Variants in SRRM2 observed in about 807,000 individuals in gnomAD.
SRRM2 encodes serine/arginine repetitive matrix 2.
In SRRM2, 30 loss-of-function variants were observed where a neutral mutation model predicts 213.8. The ratio of observed to expected loss-of-function variants is 0.14; its 90% CI spans 0.10 to 0.19. The LOEUF is 0.19. Ranked by LOEUF, SRRM2 falls within the 10% of genes least tolerant of loss-of-function variation. The probability of loss-of-function intolerance (pLI) is 1.00; values close to 1 mark genes in which losing one functional copy is unlikely to be tolerated. For missense variants in SRRM2, 4,904 were observed against 3,647.0 expected (o/e 1.34, Z -8.88); for synonymous variants, 2,025 against 1,377.7 (o/e 1.47, Z -10.40).
At chr16:2,753,032 C>T (rs2067986641) in intron 1 of SRRM2, among the ~76,000 whole-genome samples, 186 bp downstream of exon 1, 1 of 65,444 alleles carries the variant, frequency 1.5e-5, no homozygotes, top group South Asian at 4.3e-4. Context: ...CGCGCGCGGG[C>T]TTCACCCCCC....
chr16:2,758,873 G>C, intron 5 of SRRM2, 112 bp from the exon 6 acceptor site: 5 of 1,156,186 alleles, frequency 4.3e-6, no homozygotes, highest in South Asian at 1.4e-5. Context: ...TGGGGCATTA[G>C]TGCTATTAGG....
rs1471449229 is a variant in SRRM2, at chr16:2,770,443, C to G, written c.8113C>G (p.Pro2705Ala). 1.9e-6 allele frequency: 3 copies of G among 1,609,636 alleles called. No individual in the cohort carries two copies. Among genetic ancestry groups the G allele is most frequent in the Non-Finnish European group, 1.7e-6 (2 of 1,178,238 alleles). ...GGAGCGTCGCCGTCCCTCGCCCCAGCCCTCACCACGGGACCAGCAGAGGTA... is the reference window on the plus strand; with the variant it reads ...GGAGCGTCGCCGTCCCTCGCCCCAGGCCTCACCACGGGACCAGCAGAGGTA... Reference protein sequence around the residue: ...PVERRRPSPQPSPRDQQSSSS... With the variant: ...PVERRRPSPQASPRDQQSSSS... The change falls in exon 13 of 15, where the codon CCC becomes GCC. Residue 2705 changes from proline (P) to alanine (A), a missense_variant. By Grantham distance (27) the Pro-to-Ala change is conservative. Coordinates refer to ENST00000301740, the MANE Select transcript of SRRM2 (RefSeq NM_016333.4).
intron 11 of SRRM2, 94 bp from the exon 12 acceptor site, chr16:2,768,903 C>G: frequency 6.4e-7 from 1 of 1,569,986 alleles, no homozygotes. Context: ...CTTTCTCAGG[C>G]ACCCCTCCCC....
intron 2 of SRRM2, 148 bp downstream of exon 2, chr16:2,756,754 A>C (rs2150771279): frequency 8.6e-7 from 1 of 1,165,256 alleles, no homozygotes; most frequent in Non-Finnish European, 1.2e-6. Flanking sequence ...AGAGAAGTGA[A>C]AACAGTTAAG....
rs1365970558 is a variant in SRRM2, at chr16:2,770,654, C to T, written c.8186C>T (p.Ser2729Phe). 11 of 1,553,708 alleles carry T rather than the reference C, an allele frequency of 7.1e-6. No individual in the cohort carries two copies. The Admixed American group carries it at 1.9e-4, about 27-fold the overall frequency. The change falls in exon 14 of 15, where the codon TCC becomes TTC. Residue 2729 changes from serine (S) to phenylalanine (F), a missense_variant. By Grantham distance (155) the Ser-to-Phe change is radical. Transcript: ENST00000301740. The stretch of plus-strand genomic sequence containing the variant: ...AGAGGCCAGCGTGGGGACAGCCGCT[C>T]CCCCAGCCACAAGCGCAGGAGGGAG... ...SRRGQRGDSR[S>F]PSHKRRRETP...
Position 2,761,981 on chromosome 16 carries a change from C to T in SRRM2, c.1453C>T (p.Arg485Cys), listed in dbSNP as rs750929765. 2.2e-5 allele frequency: 35 copies of T among 1,614,172 alleles called. No homozygotes were observed. Among genetic ancestry groups the T allele is most frequent in the South Asian group, 9.9e-5 (9 of 91,086 alleles). ...HTPSRRMGRS[R>C]SPATAKRGRS... ...CCCCTCCCGTAGGATGGGGAGGTCCCGTAGCCCTGCCACCGCTAAGAGAGG... is the reference window on the plus strand; with the variant it reads ...CCCCTCCCGTAGGATGGGGAGGTCCTGTAGCCCTGCCACCGCTAAGAGAGG... Residue 485 changes from arginine to cysteine, a missense_variant, in exon 11 of 15, where the codon CGT becomes TGT. Transcript: ENST00000301740.
At position 2,767,630 on chromosome 16, in the gene SRRM2, A is replaced by G. The variant is rs138065295; in HGVS notation, c.7102A>G (p.Ser2368Gly). 3 of 1,613,992 alleles carry G rather than the reference A, an allele frequency of 1.9e-6. No homozygotes were observed. The African/African-American group carries it at 4.0e-5, about 22-fold the overall frequency. ...AAALAPASLT[S>G]ARMAPALSGA... Reference sequence around the variant, plus strand: ...AGCCTTGGCCCCCGCGAGCCTCACCAGTGCTAGGATGGCTCCAGCATTGTC... The same window carrying G: ...AGCCTTGGCCCCCGCGAGCCTCACCGGTGCTAGGATGGCTCCAGCATTGTC... Residue 2368 changes from serine (S) to glycine (G), a missense_variant, in exon 11 of 15, where the codon AGT becomes GGT. Physicochemically the swap from Ser to Gly is moderately conservative, Grantham distance 56. Transcript: ENST00000301740.
At position 2,763,596 on chromosome 16, in the gene SRRM2, A is replaced by G; in HGVS notation, c.3068A>G (p.Asp1023Gly). The G allele has an allele frequency of 6.2e-7, 1 of 1,613,964 alleles. No homozygotes were observed. The highest frequency in any genetic ancestry group is 8.5e-7 in the Non-Finnish European group (1 of 1,180,008). Residue 1023 changes from aspartate (D) to glycine (G), a missense_variant, in exon 11 of 15, where the codon GAC becomes GGC. Physicochemically the swap from Asp to Gly is moderately conservative, Grantham distance 94. Coordinates refer to ENST00000301740, the MANE Select transcript of SRRM2 (RefSeq NM_016333.4). ...CCATGTCCCCAAGAGAAGTCTAAAG[A>G]CTCACTAGTTCAAAGTTGCCCTGGA... The part of the protein sequence containing the change: ...KSPCPQEKSK[D>G]SLVQSCPGSL...
chr16:2,763,205 G>A lies in SRRM2; in HGVS notation c.2677G>A (p.Gly893Arg), dbSNP rs1041655167. The A allele has an allele frequency of 1.9e-6, 3 of 1,613,872 alleles. No homozygotes were observed. The highest frequency in any genetic ancestry group is 2.5e-6 in the Non-Finnish European group (3 of 1,180,006). ...SRTPSRHSCS[G>R]SSPPRVKSST... ...GACCCCTTCTAGACATAGCTGCTCA[G>A]GGTCCTCTCCTCCTAGAGTGAAATC... Residue 893 changes from glycine (G) to arginine (R), a missense_variant, in exon 11 of 15, where the codon GGG becomes AGG. Gly to Arg is a moderately radical substitution (Grantham distance 125, BLOSUM62 -2). Transcript: ENST00000301740.
chr16:2,763,967 A>G lies in SRRM2; in HGVS notation c.3439A>G (p.Thr1147Ala), dbSNP rs745378488. The G allele has an allele frequency of 1.2e-5, 20 of 1,614,046 alleles. No homozygotes were observed. In the South Asian group the frequency reaches 1.4e-4, roughly 12 times the overall value. Residue 1147 changes from threonine to alanine, a missense_variant, in exon 11 of 15, where the codon ACA (threonine) becomes GCA (alanine). Physicochemically the swap from Thr to Ala is moderately conservative, Grantham distance 58. Transcript: ENST00000301740. ...RFQSDSSSYP[T>A]VDSNSLLGQS... The stretch of plus-strand genomic sequence containing the variant: ...CCAGTCTGACTCTTCTTCATATCCT[A>G]CAGTGGACTCGAATTCTCTCTTGGG...
chr16:2,760,109 T>C (rs765714768), intron 9 of SRRM2, 192 bp from the exon 10 acceptor site: 25 of 626,566 alleles, frequency 4.0e-5, no homozygotes, highest in Non-Finnish European at 6.4e-5. Context: ...CTCTTTGGGA[T>C]TGTGTTGGGA....
In SRRM2 at chr16:2,769,150, C is replaced by A; in HGVS notation, c.7887C>A (p.Ser2629=). ...CCTCCTCCTCCTCCTCTTCTTCCTC[C>A]TCCTCTTCCTCTTCTTCTTCTTCCT... The part of the protein sequence containing the change: ...SSSSSSSSSS[S]SSSSSSSSSS... The change falls in exon 12 of 15, where the codon TCC becomes TCA. Residue 2629 remains serine (S), a synonymous_variant. Transcript: ENST00000301740. 6.2e-7 allele frequency: 1 copy of A among 1,611,682 alleles called. No homozygotes were observed. Among genetic ancestry groups the A allele is most frequent in the Non-Finnish European group, 8.5e-7 (1 of 1,178,000 alleles).
chr16:2,765,943 G>C lies in SRRM2; in HGVS notation c.5415G>C (p.Arg1805=). The C allele has an allele frequency of 6.2e-7, 1 of 1,614,202 alleles. No homozygotes were observed. Among genetic ancestry groups the C allele is most frequent in the South Asian group, 1.1e-5 (1 of 91,088 alleles). Residue 1805 remains arginine, a synonymous_variant, in exon 11 of 15, where the codon CGG becomes CGC. Coordinates refer to ENST00000301740, the MANE Select transcript of SRRM2 (RefSeq NM_016333.4). ...QSTSRRRQRS[R]SRSRVTRRRR... ...CCTCTCGGCGAAGACAGCGGAGCCG[G>C]TCAAGGTCGCGGGTTACTCGGCGGC...
intron 14 of SRRM2, 47 bp downstream of exon 14, chr16:2,770,764 G>C (rs2068717885): frequency 6.2e-7 from 1 of 1,600,652 alleles, no homozygotes; most frequent in Non-Finnish European, 8.5e-7. Flanking sequence ...GCCAGTTGTG[G>C]TGGTGGGTGG....
chr16:2,769,117 T>C lies in SRRM2; in HGVS notation c.7854T>C (p.Ser2618=), dbSNP rs1012424194. 24 of 1,611,450 alleles carry C rather than the reference T, an allele frequency of 1.5e-5. No homozygotes were observed. The highest frequency in any genetic ancestry group is 1.1e-4 in the East Asian group (5 of 44,858). The change falls in exon 12 of 15, where the codon TCT becomes TCC. Residue 2618 remains serine (S), a synonymous_variant. Coordinates refer to ENST00000301740, the MANE Select transcript of SRRM2 (RefSeq NM_016333.4). ...SSSSSSSSSS[S]SSSSSSSSSS... The stretch of plus-strand genomic sequence containing the variant: ...CCAGTTCCAGCTCCTCCTCTTCATC[T>C]TCCTCCTCCTCCTCCTCCTCCTCTT...
rs747714414 is a variant in SRRM2 at position 2,765,692 on chromosome 16, C to T, written c.5164C>T (p.Pro1722Ser). ...SSPETRSRTP[P>S]RHRRSPSVSS... ...ACCAGAAACTCGCTCTAGAACTCCC[C>T]CAAGGCACCGGAGAAGTCCCTCAGT... The change falls in exon 11 of 15, where the codon CCA becomes TCA. Residue 1722 changes from proline (P) to serine (S), a missense_variant. Physicochemically the swap from Pro to Ser is moderately conservative, Grantham distance 74. Transcript: ENST00000301740. 4.3e-6 allele frequency: 7 copies of T among 1,614,124 alleles called. No homozygotes were observed. Among genetic ancestry groups the T allele is most frequent in the Admixed American group, 1.7e-5 (1 of 60,016 alleles).
chr16:2,767,795 C>T lies in SRRM2; in HGVS notation c.7267C>T (p.Arg2423Trp), dbSNP rs767334079. The T allele has an allele frequency of 9.9e-6, 16 of 1,614,004 alleles. 1 individual carries two copies. The Admixed American group carries it at 1.7e-4, about 17-fold the overall frequency. The change falls in exon 11 of 15, where the codon CGG becomes TGG. Residue 2423 changes from arginine (R) to tryptophan (W), a missense_variant. Physicochemically the swap from Arg to Trp is moderately radical, Grantham distance 101. Coordinates refer to ENST00000301740, the MANE Select transcript of SRRM2 (RefSeq NM_016333.4). The part of the protein sequence containing the change: ...APSQSRMTSE[R>W]APSPSSRMGQ... ...AAGCCAATCTAGGATGACCTCTGAACGGGCTCCCTCCCCTTCCTCTAGAAT... is the reference window on the plus strand; with the variant it reads ...AAGCCAATCTAGGATGACCTCTGAATGGGCTCCCTCCCCTTCCTCTAGAAT...
rs536210744 is a variant in SRRM2 at position 2,765,754 on chromosome 16, A to G, written c.5226A>G (p.Ser1742=). ...AGCCAGCCGAAAAATCGAGGTCTTC[A>G]CGCCGACGGCGCTCAGCTTCATCTC... ...SPEPAEKSRS[S]RRRRSASSPR... is the part of the protein sequence containing the mutation. The change falls in exon 11 of 15, where the codon TCA becomes TCG. Residue 1742 remains serine, a synonymous_variant. Coordinates refer to ENST00000301740, the MANE Select transcript of SRRM2 (RefSeq NM_016333.4). 1.2e-6 allele frequency: 2 copies of G among 1,614,084 alleles called. No individual in the cohort carries two copies. Among genetic ancestry groups the G allele is most frequent in the South Asian group, 1.1e-5 (1 of 91,082 alleles).
In SRRM2 at chr16:2,762,038, G is replaced by C; in HGVS notation, c.1510G>C (p.Gly504Arg). 1 of 1,614,210 alleles carries C rather than the reference G, an allele frequency of 6.2e-7. No homozygotes were observed. Among genetic ancestry groups the C allele is most frequent in the South Asian group, 1.1e-5 (1 of 91,078 alleles). The change falls in exon 11 of 15, where the codon GGT becomes CGT. Residue 504 changes from glycine (G) to arginine (R), a missense_variant. Coordinates refer to ENST00000301740, the MANE Select transcript of SRRM2 (RefSeq NM_016333.4). ...TCGGTCTCGAACCCCTACCAAGAGA[G>C]GTCATTCTCGATCCCGATCTCCCCA... Reference protein sequence around the residue: ...RSRSRTPTKRGHSRSRSPQWR... With the variant: ...RSRSRTPTKRRHSRSRSPQWR...
Sources: allele counts gnomAD v4.1 joint callset (sites outside exome capture counted in the v4.1 genomes callset), GRCh38; gene constraint gnomAD v4.1.1; transcripts MANE v1.5; gene names NCBI Gene and HGNC (gene_info 2026-07-23, HGNC 2026-07-21).